Variants in NBEA observed in about 807,000 individuals in gnomAD.
NBEA encodes the protein lysosomal-trafficking regulator 2.
NBEA carries 44 observed loss-of-function variants against 343.4 expected under a neutral mutation model. The observed-to-expected ratio is 0.13, with a 90% confidence interval of 0.10 to 0.16. The LOEUF is 0.16. Ranked by LOEUF, NBEA falls within the 10% of genes least tolerant of loss-of-function variation. NBEA has a pLI of 1.00. For synonymous variants in NBEA, 1,175 were observed against 1,238.7 expected (o/e 0.95, Z 1.08); for missense variants, 2,555 against 3,631.3 (o/e 0.70, Z 7.62).
chr13:35,452,093 C>A lies in NBEA; in HGVS notation c.6306C>A (p.Gly2102=). The change falls in exon 40 of 59, where the codon GGC becomes GGA. Residue 2102 remains glycine, a splice_region_variant and synonymous_variant. Coordinates refer to ENST00000379939, the MANE Select transcript of NBEA (RefSeq NM_001385012.1). The part of the protein sequence containing the change: ...EALLKAAIEY[G]TEEDVVKSKK... Reference sequence around the variant, plus strand: ...TGATTATATTTTTGTTGTGATTAGGCACGGAAGAAGATGTAGTAAAGTCAA... The same window carrying A: ...TGATTATATTTTTGTTGTGATTAGGAACGGAAGAAGATGTAGTAAAGTCAA... The A allele has an allele frequency of 6.2e-7, 1 of 1,609,184 alleles. No homozygotes were observed. The highest frequency in any genetic ancestry group is 8.5e-7 in the Non-Finnish European group (1 of 1,177,274).
intron 38 of NBEA, among the ~76,000 whole-genome samples, chr13:35,414,042 G>A (rs188013225): frequency 6.6e-6 from 1 of 152,124 alleles, no homozygotes; most frequent in Admixed American, 6.6e-5. Context: ...GTTCAACTGG[G>A]TACTCTCCAA....
chr13:34,952,742 A>G (rs953173725), intron 1 of NBEA, among the ~76,000 whole-genome samples: 36 of 152,182 alleles, frequency 2.4e-4, no homozygotes, highest in African/African-American at 8.0e-4. Flanking sequence ...AAATATCTAG[A>G]TATATTTCTC....
intron 47 of NBEA, among the ~76,000 whole-genome samples, chr13:35,601,775 A>AG (rs2082062446): frequency 2.0e-5 from 1 of 49,598 alleles, no homozygotes; most frequent in Non-Finnish European, 5.5e-5. Flanking sequence ...AAAAAAAAAA[A>AG]AAAAAAAAAA....
At chr13:35,136,987 TATAGCTCACAAA>T (rs2067768689) in intron 17 of NBEA, among the ~76,000 whole-genome samples, 1 of 152,202 alleles carries the variant, frequency 6.6e-6, no homozygotes, top group Non-Finnish European at 1.5e-5. Context: ...CAAATAGCAA[TATAGCTCACAAA>T]AACTAGATGA....
At chr13:35,090,093 A>AAATAAATAAATAAAT (rs1232200674) in intron 10 of NBEA, among the ~76,000 whole-genome samples, 3 of 43,936 alleles carry the variant, frequency 6.8e-5, no homozygotes, top group African/African-American at 1.5e-4. Flanking sequence ...AATAAATAAA[A>AAATAAATAAATAAAT]ATCTGGCTGT....
chr13:35,034,901 T>C (rs1451782125), intron 1 of NBEA, among the ~76,000 whole-genome samples: 3 of 151,898 alleles, frequency 2.0e-5, no homozygotes, highest in African/African-American at 7.2e-5. Context: ...TCTGATTTTA[T>C]TTATTTGGAT....
chr13:35,646,219 A>G, intron 50 of NBEA, 40 bp from the exon 51 acceptor site: 1 of 1,422,202 alleles, frequency 7.0e-7, no homozygotes, highest in Non-Finnish European at 9.9e-7. Context: ...TCTCTCTTTG[A>G]TGCATATTGA....
At chr13:34,987,973 T>G (rs113242786) in intron 1 of NBEA, among the ~76,000 whole-genome samples, 1 of 151,054 alleles carries the variant, frequency 6.6e-6, no homozygotes, top group African/African-American at 2.4e-5. Context: ...TTGTTATTAC[T>G]GACCTTCTGA....
chr13:35,447,685 T>C (rs1390696046), intron 39 of NBEA, among the ~76,000 whole-genome samples: 1 of 152,156 alleles, frequency 6.6e-6, no homozygotes, highest in East Asian at 1.9e-4. Context: ...CATATATGTC[T>C]ATCCTACCCA....
At chr13:35,368,044 C>G (rs1210361584) in intron 38 of NBEA, among the ~76,000 whole-genome samples, 1 of 151,344 alleles carries the variant, frequency 6.6e-6, no homozygotes, top group Non-Finnish European at 1.5e-5. Context: ...AATATCGGTT[C>G]CAAGTATTAA....
chr13:35,432,440 G>A, intron 39 of NBEA, 47 bp downstream of exon 39: 2 of 1,476,856 alleles, frequency 1.4e-6, no homozygotes, highest in Non-Finnish European at 1.8e-6. Flanking sequence ...GATGTGAGGT[G>A]ACTCCTTGTG....
intron 1 of NBEA, among the ~76,000 whole-genome samples, chr13:34,977,474 A>G (rs956265613): frequency 6.6e-6 from 1 of 151,430 alleles, no homozygotes; most frequent in South Asian, 2.1e-4. Context: ...GCACCCAGCT[A>G]ATTTTTGTAT....
intron 1 of NBEA, among the ~76,000 whole-genome samples, chr13:35,012,427 G>A (rs1256604834): frequency 6.6e-6 from 1 of 152,108 alleles, no homozygotes; most frequent in East Asian, 1.9e-4. Flanking sequence ...GTTGTATTGG[G>A]GATTAAGTTT....
chr13:35,065,507 AG>A (rs1309750476), intron 8 of NBEA, among the ~76,000 whole-genome samples: 1 of 151,918 alleles, frequency 6.6e-6, no homozygotes, highest in African/African-American at 2.4e-5. Context: ...TCATATTTTA[AG>A]AAATTGTTCT....
intron 38 of NBEA, among the ~76,000 whole-genome samples, chr13:35,379,453 G>T (rs1451951536): frequency 6.6e-6 from 1 of 151,968 alleles, no homozygotes; most frequent in Non-Finnish European, 1.5e-5. Context: ...TGGATCTGAG[G>T]CATTTGTTTG....
At chr13:35,027,452 A>G (rs988508371) in intron 1 of NBEA, among the ~76,000 whole-genome samples, 4 of 151,574 alleles carry the variant, frequency 2.6e-5, no homozygotes, top group Non-Finnish European at 5.9e-5. Flanking sequence ...GTTCTGATAT[A>G]TATGCAGGGA....
chr13:35,309,431 G>A (rs957115756), intron 35 of NBEA, 97 bp from the exon 36 acceptor site: 8 of 655,920 alleles, frequency 1.2e-5, no homozygotes, highest in African/African-American at 1.9e-5. Context: ...ATAATATAAT[G>A]TGGAAGTTAT....
At chr13:35,585,771 C>G (rs1428902403) in intron 46 of NBEA, among the ~76,000 whole-genome samples, 5 of 152,114 alleles carry the variant, frequency 3.3e-5, no homozygotes, top group African/African-American at 1.2e-4. Flanking sequence ...ATTCACTCAG[C>G]TGCCCAATCT....
At chr13:35,289,080 A>G (rs1329123061) in intron 34 of NBEA, among the ~76,000 whole-genome samples, 1 of 151,922 alleles carries the variant, frequency 6.6e-6, no homozygotes, top group African/African-American at 2.4e-5. Context: ...CAAAATGGGC[A>G]CAAAAGAGTA....
Sources: allele counts gnomAD v4.1 joint callset (sites outside exome capture counted in the v4.1 genomes callset), GRCh38; gene constraint gnomAD v4.1.1; transcripts MANE v1.5; gene names NCBI Gene and HGNC (gene_info 2026-07-23, HGNC 2026-07-21).